ENAH: variants seen among roughly 807,000 people sequenced by gnomAD.
ENAH encodes ENAH actin regulator.
In ENAH, 23 loss-of-function variants were observed where a neutral mutation model predicts 78.7. The ratio of observed to expected loss-of-function variants is 0.29; its 90% CI spans 0.21 to 0.41. The LOEUF is 0.41. Among genes scored for constraint, ENAH ranks in the 10% least tolerant of loss-of-function variants. The pLI is 1.00. For synonymous variants in ENAH, 226 were observed against 241.0 expected (o/e 0.94, Z 0.58); for missense variants, 544 against 691.0 (o/e 0.79, Z 2.39).
In ENAH at chr1:225,514,598, G is replaced by A. The variant is rs765889153; in HGVS notation, c.1216C>T (p.Arg406Trp). ...AAATTTTTCAGAAAGGTATTTACCC[G>A]TGACACTTTCCTAAGTTTTGCTCCG... ...IAGAKLRKVS[R>W]MEDTSFPSGG... The change falls in exon 7 of 14, where the codon CGG becomes TGG. Residue 406 changes from arginine to tryptophan, a missense_variant and splice_region_variant. Physicochemically the swap from Arg to Trp is moderately radical, Grantham distance 101. Around this residue, in one of 4 missense-constraint regions of ENAH, gnomAD observed 366 missense variants for 396.1 expected, o/e 0.92. Transcript: ENST00000366843. 197 of 1,611,296 alleles carry A rather than the reference G, an allele frequency of 1.2e-4. No homozygotes were observed. The highest frequency in any genetic ancestry group is 1.6e-4 in the Non-Finnish European group (186 of 1,179,566).
At chr1:225,569,539 C>G (rs1419623257) in intron 1 of ENAH, among the ~76,000 whole-genome samples, 3 of 152,092 alleles carry the variant, frequency 2.0e-5, no homozygotes. Context: ...AAAGCAACAC[C>G]TCATTTTGTA....
At chr1:225,563,412 C>A (rs891484930) in intron 2 of ENAH, among the ~76,000 whole-genome samples, 1 of 152,174 alleles carries the variant, frequency 6.6e-6, no homozygotes, top group African/African-American at 2.4e-5. Context: ...CTGTAAGATA[C>A]CTGCTGTATG....
chr1:225,521,231 G>C (rs919184659), intron 4 of ENAH, among the ~76,000 whole-genome samples: 3 of 152,006 alleles, frequency 2.0e-5, no homozygotes, highest in African/African-American at 7.2e-5. Context: ...CTTCATCTTT[G>C]AATCTTTTTC....
intron 2 of ENAH, among the ~76,000 whole-genome samples, chr1:225,555,442 C>T (rs540492753): frequency 1.3e-5 from 2 of 152,108 alleles, no homozygotes; most frequent in South Asian, 4.2e-4. Flanking sequence ...ATTAGCCAGG[C>T]GCAGTGGCGG....
At chr1:225,638,483 C>G (rs967457094) in intron 1 of ENAH, among the ~76,000 whole-genome samples, 3 of 152,160 alleles carry the variant, frequency 2.0e-5, no homozygotes, top group African/African-American at 7.2e-5. Context: ...AATGTCTCCT[C>G]CCCCACTAAA....
intron 1 of ENAH, among the ~76,000 whole-genome samples, chr1:225,645,154 C>G (rs963919053): frequency 6.6e-6 from 1 of 152,186 alleles, no homozygotes; most frequent in Non-Finnish European, 1.5e-5. Flanking sequence ...CTTTAAATAG[C>G]ACGAAGATGT....
intron 1 of ENAH, among the ~76,000 whole-genome samples, chr1:225,583,639 T>A (rs943573142): frequency 1.3e-5 from 2 of 150,694 alleles, no homozygotes; most frequent in Admixed American, 1.3e-4. Context: ...AAACCCTGTC[T>A]CTACTAAATA....
intron 1 of ENAH, among the ~76,000 whole-genome samples, chr1:225,569,049 T>C (rs487591): frequency 0.73 from 111,024 of 152,134 alleles, 40,864 homozygotes; most frequent in African/African-American, 0.82. Flanking sequence ...TTAAAGGGCA[T>C]GTGTCAGTAG....
intron 1 of ENAH, among the ~76,000 whole-genome samples, chr1:225,601,117 G>A (rs569153521): frequency 4.6e-5 from 7 of 152,158 alleles, no homozygotes; most frequent in Non-Finnish European, 1.0e-4. Flanking sequence ...TAACAGAACT[G>A]TCAGAGAAAA....
chr1:225,569,778 T>C (rs569656841), intron 1 of ENAH, among the ~76,000 whole-genome samples: 1 of 152,000 alleles, frequency 6.6e-6, no homozygotes, highest in Admixed American at 6.6e-5. Context: ...TAAACAAAGC[T>C]GAGAATAAAG....
chr1:225,653,668 T>C (rs1302260826), upstream of ENAH, among the ~76,000 whole-genome samples: 2 of 151,944 alleles, frequency 1.3e-5, no homozygotes, highest in Non-Finnish European at 1.5e-5. The surrounding 1 kb of genome is among the most constrained non-coding windows in gnomAD (Gnocchi z 4.3). Flanking sequence ...CCGGGTCGGC[T>C]CGCGGCCGGG....
chr1:225,560,895 A>G (rs2096700387), intron 2 of ENAH, among the ~76,000 whole-genome samples: 1 of 152,256 alleles, frequency 6.6e-6, no homozygotes. Flanking sequence ...AAATATTACT[A>G]GGATCAAAAT....
At chr1:225,609,505 C>T (rs1182266796) in intron 1 of ENAH, among the ~76,000 whole-genome samples, 2 of 152,092 alleles carry the variant, frequency 1.3e-5, no homozygotes, top group East Asian at 1.9e-4. Context: ...TATCTTCCAT[C>T]ATGGCAAGTC....
chr1:225,614,886 A>T (rs945930547), intron 1 of ENAH, among the ~76,000 whole-genome samples: 3 of 152,312 alleles, frequency 2.0e-5, no homozygotes, highest in African/African-American at 7.2e-5. Context: ...TCCATAAGGT[A>T]AGTAACCCTT....
chr1:225,548,143 T>C (rs1168651556), intron 3 of ENAH, among the ~76,000 whole-genome samples: 1 of 151,516 alleles, frequency 6.6e-6, no homozygotes, highest in Non-Finnish European at 1.5e-5. Flanking sequence ...AAAGCAGATG[T>C]TGGAGAAAAT....
intron 3 of ENAH, among the ~76,000 whole-genome samples, chr1:225,536,431 T>C (rs2096561812): frequency 6.6e-6 from 1 of 152,056 alleles, no homozygotes; most frequent in South Asian, 2.1e-4. Flanking sequence ...TCCAAAACTT[T>C]ACATCAATAA....
chr1:225,565,430 T>A (rs968068421), intron 2 of ENAH, among the ~76,000 whole-genome samples: 8 of 114,870 alleles, frequency 7.0e-5, no homozygotes, highest in African/African-American at 2.8e-4. Flanking sequence ...AGCAAAACTC[T>A]GTCTCAAATA....
intron 1 of ENAH, among the ~76,000 whole-genome samples, chr1:225,604,117 G>A (rs141454524): frequency 8.9e-4 from 135 of 152,222 alleles, no homozygotes; most frequent in African/African-American, 3.1e-3. Context: ...TACACACTAT[G>A]AGTAATAACA....
intron 1 of ENAH, among the ~76,000 whole-genome samples, chr1:225,640,235 A>C (rs1660795919): frequency 6.6e-6 from 1 of 152,154 alleles, no homozygotes; most frequent in Non-Finnish European, 1.5e-5. Context: ...AGCAACCAAC[A>C]CTTGATTCAT....
Sources: allele counts gnomAD v4.1 joint callset (sites outside exome capture counted in the v4.1 genomes callset), GRCh38; gene constraint gnomAD v4.1.1; regional missense constraint gnomAD v4.1.1; non-coding constraint Gnocchi (gnomAD v3.1); transcripts MANE v1.5; gene names NCBI Gene and HGNC (gene_info 2026-07-23, HGNC 2026-07-21).